The following PPP3CC variants were observed in gnomAD, a reference collection of about 807,000 sequenced individuals.
PPP3CC encodes serine/threonine-protein phosphatase 2B catalytic subunit gamma isoform.
Under a neutral mutation model 60.3 loss-of-function variants are expected in PPP3CC, and 35 were observed. The ratio of observed to expected loss-of-function variants is 0.58; its 90% confidence interval spans 0.44 to 0.77. PPP3CC has a LOEUF of 0.77. Ranked by LOEUF, PPP3CC falls within the 30% of genes least tolerant of loss-of-function variation. The pLI is 0.00. For missense variants in PPP3CC, 570 were observed against 628.9 expected, an observed-to-expected ratio of 0.91 and a Z score of 1.00; for synonymous variants, 206 against 224.3, an observed-to-expected ratio of 0.92 and a Z score of 0.73.
Position 22,531,120 on chromosome 8 carries a change from T to G in PPP3CC, c.1142-1105T>G, listed in dbSNP as rs140176727. Among the ~76,000 whole-genome samples the G allele has an allele frequency of 2.7e-3, 405 of 152,310 alleles. 1 individual carries two copies. Among genetic ancestry groups the G allele is most frequent in the African/African-American group, 9.1e-3 (379 of 41,572 alleles). Reference sequence around the variant, plus strand: ...GGAAGAAACTACTGACAAAATAAATTTGCAATTTAATGTTGTATCATGATT... The same window carrying G: ...GGAAGAAACTACTGACAAAATAAATGTGCAATTTAATGTTGTATCATGATT... On this transcript the variant is annotated intron_variant, in intron 10 of 13. Coordinates refer to ENST00000240139, the MANE Select transcript of PPP3CC (RefSeq NM_005605.5).
Position 22,475,162 on chromosome 8 carries a change from T to G in PPP3CC, c.247+11T>G, listed in dbSNP as rs1298623674. The G allele has an allele frequency of 6.3e-7, 1 of 1,599,764 alleles. No homozygotes were observed. Among genetic ancestry groups the G allele is most frequent in the Non-Finnish European group, 8.5e-7 (1 of 1,169,844 alleles). On this transcript the variant is annotated intron_variant, in intron 2 of 13. Transcript: ENST00000240139. ...ATGCTCCAATCACAGGTATAAAAAGTCTTTGCATGATACTTTTTTACAGTA... is the reference window on the plus strand; with the variant it reads ...ATGCTCCAATCACAGGTATAAAAAGGCTTTGCATGATACTTTTTTACAGTA...
intron 3 of PPP3CC, among the ~76,000 whole-genome samples, chr8:22,483,394 C>T (rs1838127951): frequency 6.6e-6 from 1 of 152,174 alleles, no homozygotes; most frequent in South Asian, 2.1e-4. Context: ...TCACGCCATT[C>T]TCCTGCCTCA....
chr8:22,505,096 G>C (rs966467703), intron 4 of PPP3CC, among the ~76,000 whole-genome samples: 1 of 139,968 alleles, frequency 7.1e-6, no homozygotes, highest in African/African-American at 2.7e-5. Flanking sequence ...GCACAATCTC[G>C]GCTCACTGCA....
At chr8:22,513,229 A>G in intron 5 of PPP3CC, 64 bp from the exon 6 acceptor site, 6 of 1,517,622 alleles carry the variant, frequency 4.0e-6, no homozygotes, top group Middle Eastern at 1.7e-4. Context: ...TTTGACACAT[A>G]CTAGTTTCCA....
rs563986466 is a variant in PPP3CC, at chr8:22,535,433, C to T, written c.1321+2415C>T. On this transcript the variant is annotated intron_variant, in intron 12 of 13. Coordinates refer to ENST00000240139, the MANE Select transcript of PPP3CC (RefSeq NM_005605.5). ...AAAGTTTAACTGCTTTTTTTGCTCC[C>T]CTTGTTTTGTTGAATTGTTTCTATT... Among the ~76,000 whole-genome samples the T allele has an allele frequency of 4.6e-5, 7 of 152,132 alleles. No individual in the cohort carries two copies. The South Asian group carries it at 1.2e-3, about 27-fold the overall frequency.
chr8:22,504,962 G>A (rs1040411754), intron 4 of PPP3CC, among the ~76,000 whole-genome samples: 1 of 150,488 alleles, frequency 6.6e-6, no homozygotes, highest in African/African-American at 2.4e-5. Context: ...TACTCTGGGT[G>A]CAACCTCATA....
intron 6 of PPP3CC, among the ~76,000 whole-genome samples, chr8:22,521,895 A>G (rs764981105): frequency 4.0e-5 from 6 of 151,420 alleles, no homozygotes; most frequent in Non-Finnish European, 5.9e-5. Flanking sequence ...ATATTCCTGC[A>G]TAAGCTTGCA....
At chr8:22,523,988 C>T (rs1449252247) in intron 8 of PPP3CC, among the ~76,000 whole-genome samples, 1 of 152,202 alleles carries the variant, frequency 6.6e-6, no homozygotes, top group South Asian at 2.1e-4. Context: ...TCCTGCTTCA[C>T]TTTTAAGTGT....
At chr8:22,450,983 C>T (rs1422940630) in intron 1 of PPP3CC, among the ~76,000 whole-genome samples, 2 of 148,726 alleles carry the variant, frequency 1.3e-5, no homozygotes, top group Non-Finnish European at 1.5e-5. Flanking sequence ...TACAGCCACG[C>T]GCCACCACGC....
chr8:22,481,112 T>A (rs554338943), intron 3 of PPP3CC, among the ~76,000 whole-genome samples: 8 of 152,152 alleles, frequency 5.3e-5, no homozygotes, highest in Admixed American at 6.5e-5. Flanking sequence ...GGCAGGTGGA[T>A]CACCTGAGGT....
chr8:22,532,316 T>C lies in PPP3CC; in HGVS notation c.1223+10T>C. ...TCTTTTCAATTCTTCGGTAAGGATG[T>C]CTGTCATTACAGTGCGGATTAAAGG... On this transcript the variant is annotated intron_variant, in intron 11 of 13. Coordinates refer to ENST00000240139, the MANE Select transcript of PPP3CC (RefSeq NM_005605.5). The C allele has an allele frequency of 1.3e-6, 2 of 1,597,542 alleles. No homozygotes were observed. The highest frequency in any genetic ancestry group is 2.2e-5 in the South Asian group (2 of 90,636).
At chr8:22,476,732 A>C (rs1837898674) in intron 3 of PPP3CC, among the ~76,000 whole-genome samples, 1 of 152,050 alleles carries the variant, frequency 6.6e-6, no homozygotes, top group African/African-American at 2.4e-5. Flanking sequence ...GGAGATCAAG[A>C]CCATCCTTGG....
At chr8:22,452,195 A>G (rs1436656426) in intron 1 of PPP3CC, among the ~76,000 whole-genome samples, 1 of 151,934 alleles carries the variant, frequency 6.6e-6, no homozygotes, top group Non-Finnish European at 1.5e-5. Context: ...ATGTCTGGCT[A>G]AATGTTTTAT....
chr8:22,471,432 C>T (rs955004515), intron 1 of PPP3CC, among the ~76,000 whole-genome samples: 1 of 152,052 alleles, frequency 6.6e-6, no homozygotes, highest in Non-Finnish European at 1.5e-5. Context: ...ATGGAATGTA[C>T]TTACAGAAAC....
chr8:22,532,445 A>G, intron 11 of PPP3CC, 139 bp downstream of exon 11: 2 of 683,178 alleles, frequency 2.9e-6, no homozygotes, highest in Non-Finnish European at 5.0e-6. Flanking sequence ...TTCAATGAAC[A>G]TGTTTAAGCG....
intron 9 of PPP3CC, 152 bp downstream of exon 9, chr8:22,527,669 T>G (rs377661650): frequency 1.1e-6 from 1 of 926,412 alleles, no homozygotes; most frequent in South Asian, 1.8e-5. Flanking sequence ...GGAGTCTCGC[T>G]CTGTCACCCA....
intron 4 of PPP3CC, among the ~76,000 whole-genome samples, chr8:22,506,803 G>A (rs1250280825): frequency 6.6e-6 from 1 of 151,986 alleles, no homozygotes; most frequent in Non-Finnish European, 1.5e-5. Context: ...TTAGCCGGGT[G>A]TGGTGGTGGG....
chr8:22,459,455 ATGTGTG>A lies in PPP3CC; in HGVS notation c.50-15483_50-15478del, dbSNP rs56870564. On this transcript the variant is annotated intron_variant, in intron 1 of 13. Coordinates refer to ENST00000240139, the MANE Select transcript of PPP3CC (RefSeq NM_005605.5). ...ACCACTTCATTATTATCACTTTGTT[ATGTGTG>A]TGTGTGTGTGTGTGTTTAAAGAGAT... Among the ~76,000 whole-genome samples the A allele has an allele frequency of 5.3e-5, 8 of 150,252 alleles. No individual in the cohort carries two copies. The South Asian group carries it at 1.5e-3, about 28-fold the overall frequency.
intron 3 of PPP3CC, among the ~76,000 whole-genome samples, chr8:22,489,735 A>AAG (rs1838339838): frequency 4.2e-5 from 2 of 47,830 alleles, no homozygotes; most frequent in African/African-American, 6.9e-5. Context: ...TATTATATAT[A>AAG]TAATAAGTAT....
Sources: gnomAD v4.1 joint callset for allele counts (sites outside exome capture counted in the v4.1 genomes callset) on GRCh38, gnomAD v4.1.1 for gene constraint, MANE v1.5 for transcripts, NCBI Gene and HGNC (gene_info 2026-07-23, HGNC 2026-07-21) for gene names.